Variants in FHOD3 observed in about 807,000 individuals in gnomAD.
FHOD3 encodes the protein FH1/FH2 domain-containing protein 3.
Under a neutral mutation model 173.0 loss-of-function variants are expected in FHOD3, and 90 were observed. That is an observed-to-expected ratio of 0.52 (90% CI 0.44 to 0.62). The LOEUF (loss-of-function observed/expected upper bound fraction) is 0.62. Ranked by LOEUF, FHOD3 falls within the 20% of genes least tolerant of loss-of-function variation. FHOD3 has a pLI of 0.00. For missense variants in FHOD3, 1,945 were observed against 2,034.7 expected, an observed-to-expected ratio of 0.96 and a Z score of 0.85; for synonymous variants, 828 against 823.0, an observed-to-expected ratio of 1.01 and a Z score of -0.10.
At chr18:36,743,779 G>A (rs534973134) in intron 22 of FHOD3, among the ~76,000 whole-genome samples, 1 of 152,326 alleles carries the variant, frequency 6.6e-6, no homozygotes, top group African/African-American at 2.4e-5. Context: ...CAGCCCCACA[G>A]CACCCTGATT....
chr18:36,747,999 AC>A (rs1396184501), intron 24 of FHOD3, among the ~76,000 whole-genome samples: 1 of 152,060 alleles, frequency 6.6e-6, no homozygotes, highest in Non-Finnish European at 1.5e-5. Flanking sequence ...TTTTATCTGC[AC>A]ATGAACCCTC....
chr18:36,417,865 A>C (rs937233033), intron 3 of FHOD3, among the ~76,000 whole-genome samples: 1 of 152,228 alleles, frequency 6.6e-6, no homozygotes, highest in Non-Finnish European at 1.5e-5. Flanking sequence ...AATTTCTTTT[A>C]CCAACTTTCC....
intron 3 of FHOD3, among the ~76,000 whole-genome samples, chr18:36,425,475 TAAC>T (rs2050191186): frequency 6.6e-6 from 1 of 152,172 alleles, no homozygotes; most frequent in Non-Finnish European, 1.5e-5. Flanking sequence ...CTTTATGTTC[TAAC>T]AACCTTTAAT....
intron 3 of FHOD3, among the ~76,000 whole-genome samples, chr18:36,380,017 C>A (rs1250662093): frequency 6.6e-6 from 1 of 152,112 alleles, no homozygotes; most frequent in Non-Finnish European, 1.5e-5. Context: ...TTTTTCACAT[C>A]TCAACATTTC....
At chr18:36,684,948 A>G (rs181922439) in intron 15 of FHOD3, among the ~76,000 whole-genome samples, 2 of 152,066 alleles carry the variant, frequency 1.3e-5, no homozygotes, top group African/African-American at 4.8e-5. Context: ...GACTACAGGC[A>G]TGTACATGGG....
chr18:36,382,907 G>C lies in FHOD3; in HGVS notation c.337+10163G>C, dbSNP rs57192781. 4.2e-4 allele frequency among the ~76,000 whole-genome samples: 64 copies of C among 152,308 alleles called. 2 individuals are homozygous for C. The East Asian group carries it at 0.011, about 27-fold the overall frequency. ...GGCACCGATTTCCCTAGGTTTGACT[G>C]TTTGCTCAATGTCAAGGCAGTGCTG... On this transcript the variant is annotated intron_variant, in intron 3 of 28. Coordinates refer to ENST00000590592, the MANE Select transcript of FHOD3 (RefSeq NM_001281740.3).
In FHOD3 at chr18:36,625,589, G is replaced by A. The variant is rs146957872; in HGVS notation, c.1036G>A (p.Val346Met). ...SGCRDRRRAS[V>M]CSSGGGEHRG... ...GTGCCGGGACCGGAGGAGGGCCAGCGTGTGTTCCAGTGGCGGAGGCGAGCA... is the reference window on the plus strand; with the variant it reads ...GTGCCGGGACCGGAGGAGGGCCAGCATGTGTTCCAGTGGCGGAGGCGAGCA... Residue 346 changes from valine (V) to methionine (M), a missense_variant, in exon 10 of 29, where the codon GTG becomes ATG. Physicochemically the swap from Val to Met is conservative, Grantham distance 21 (BLOSUM62 1). This residue lies in a region of FHOD3 where 1,099 missense variants were observed against 1,051.2 expected (regional missense o/e 1.05). Transcript: ENST00000590592. 1.7e-5 allele frequency: 27 copies of A among 1,574,388 alleles called. No individual in the cohort carries two copies. Among genetic ancestry groups the A allele is most frequent in the Admixed American group, 5.3e-5 (3 of 57,128 alleles).
chr18:36,510,600 TTTAG>T (rs1246188816), intron 4 of FHOD3, among the ~76,000 whole-genome samples: 12 of 152,342 alleles, frequency 7.9e-5, no homozygotes, highest in African/African-American at 1.4e-4. Flanking sequence ...TGAATCTAGT[TTTAG>T]TTAAAGTAAT....
intron 3 of FHOD3, among the ~76,000 whole-genome samples, chr18:36,478,654 T>C (rs1599305539): frequency 6.6e-6 from 1 of 152,352 alleles, no homozygotes; most frequent in East Asian, 1.9e-4. Context: ...ACATTGAATG[T>C]AGCCAGAGTG....
At chr18:36,309,494 C>T (rs543577650) in intron 1 of FHOD3, among the ~76,000 whole-genome samples, 71 of 152,316 alleles carry the variant, frequency 4.7e-4, no homozygotes, top group African/African-American at 1.6e-3. Flanking sequence ...ATGGTGCTCA[C>T]CTTGGAGGGA....
chr18:36,762,993 G>A (rs533324146), intron 27 of FHOD3, among the ~76,000 whole-genome samples: 22 of 145,720 alleles, frequency 1.5e-4, no homozygotes, highest in East Asian at 6.0e-4. Context: ...TTATATATGC[G>A]TATTATATAC....
chr18:36,596,691 T>G (rs1599804728), intron 7 of FHOD3, among the ~76,000 whole-genome samples: 1 of 151,824 alleles, frequency 6.6e-6, no homozygotes, highest in Non-Finnish European at 1.5e-5. Context: ...CAACTCGAGG[T>G]CTCTTTGTTG....
At chr18:36,547,423 A>G (rs1836088981) in intron 5 of FHOD3, among the ~76,000 whole-genome samples, 1 of 152,282 alleles carries the variant, frequency 6.6e-6, no homozygotes, top group Admixed American at 6.5e-5. Flanking sequence ...TAGATTTGTC[A>G]CAGGTTAAAC....
intron 3 of FHOD3, among the ~76,000 whole-genome samples, chr18:36,478,053 C>T (rs2053688229): frequency 6.6e-6 from 1 of 152,140 alleles, no homozygotes; most frequent in African/African-American, 2.4e-5. Context: ...AACATGACAA[C>T]TTAGATAGCA....
intron 5 of FHOD3, among the ~76,000 whole-genome samples, chr18:36,525,193 T>A (rs1315691746): frequency 6.6e-6 from 1 of 152,100 alleles, no homozygotes; most frequent in African/African-American, 2.4e-5. Flanking sequence ...GTAATTAAGG[T>A]CCCAAATCTT....
chr18:36,697,533 A>G (rs560247829), intron 17 of FHOD3, among the ~76,000 whole-genome samples: 1 of 152,274 alleles, frequency 6.6e-6, no homozygotes, highest in East Asian at 1.9e-4. Context: ...GCCACACTAT[A>G]TTATTTTTAT....
At position 36,579,286 on chromosome 18, in the gene FHOD3, T is replaced by C. The variant is rs2058763507; in HGVS notation, c.606+2741T>C. Among the ~76,000 whole-genome samples the C allele has an allele frequency of 2.0e-5, 3 of 152,320 alleles. No homozygotes were observed. The South Asian group carries it at 6.2e-4, about 32-fold the overall frequency. ...TGACACAGCTGAATTAAGATATCTT[T>C]ATGGTTTTATGATGGCCATGATAAA... On this transcript the variant is annotated intron_variant, in intron 6 of 28. Coordinates refer to ENST00000590592, the MANE Select transcript of FHOD3 (RefSeq NM_001281740.3).
chr18:36,605,281 A>G (rs1404773333), intron 8 of FHOD3, among the ~76,000 whole-genome samples: 1 of 152,158 alleles, frequency 6.6e-6, no homozygotes, highest in Admixed American at 6.5e-5. Flanking sequence ...TTGTAACATT[A>G]CCTATTTTAT....
At chr18:36,777,743 A>G (rs1028586062) in intron 28 of FHOD3, 10 of 152,288 alleles carry the variant, frequency 6.6e-5, no homozygotes, top group Admixed American at 4.6e-4. Context: ...GGAGCCAAAC[A>G]TTTTGTCTTG....
Sources: allele counts gnomAD v4.1 joint callset (sites outside exome capture counted in the v4.1 genomes callset), GRCh38; gene constraint gnomAD v4.1.1; regional missense constraint gnomAD v4.1.1; transcripts MANE v1.5; gene names NCBI Gene and HGNC (gene_info 2026-07-23, HGNC 2026-07-21).